ENTREP2: variants seen among roughly 807,000 people sequenced by gnomAD.
ENTREP2 encodes protein ENTREP2.
chr15:29,222,169 A>G, the ENTREP2 span, among the ~76,000 whole-genome samples: 940 of 152,316 alleles, frequency 6.2e-3, 7 homozygotes, highest in African/African-American at 0.021. Flanking sequence ...GTTTGCAGTA[A>G]AGAAGCTGGC....
chr15:29,225,219 C>A, the ENTREP2 span, among the ~76,000 whole-genome samples: 2 of 152,248 alleles, frequency 1.3e-5, no homozygotes, highest in Non-Finnish European at 2.9e-5. Context: ...GGCTGAAGGG[C>A]TCCTCAAGCA....
chr15:29,182,996 G>A, the ENTREP2 span, among the ~76,000 whole-genome samples: 1 of 152,174 alleles, frequency 6.6e-6, no homozygotes, highest in African/African-American at 2.4e-5. Flanking sequence ...AGCTCAGTGT[G>A]AGAGGCAAAG....
chr15:29,372,029 A>AACT, the ENTREP2 span, among the ~76,000 whole-genome samples: 1 of 152,216 alleles, frequency 6.6e-6, no homozygotes, highest in Non-Finnish European at 1.5e-5. Flanking sequence ...GAATAACTAG[A>AACT]ACTAGTTTAA....
chr15:29,281,980 C>G, the ENTREP2 span, among the ~76,000 whole-genome samples: 1 of 152,144 alleles, frequency 6.6e-6, no homozygotes, highest in Non-Finnish European at 1.5e-5. Flanking sequence ...TTCAATGTTA[C>G]CTGGGACCTG....
At chr15:29,256,282 T>C in the ENTREP2 span, among the ~76,000 whole-genome samples, 1 of 152,120 alleles carries the variant, frequency 6.6e-6, no homozygotes. Flanking sequence ...TTCAGCACCA[T>C]GCAACACACC....
the ENTREP2 span, among the ~76,000 whole-genome samples, chr15:29,431,935 C>T: frequency 6.6e-6 from 1 of 152,068 alleles, no homozygotes; most frequent in African/African-American, 2.4e-5. Context: ...ATGGAAACGC[C>T]GTGGCATTTG....
the ENTREP2 span, among the ~76,000 whole-genome samples, chr15:29,617,495 C>T: frequency 2.0e-5 from 3 of 152,220 alleles, no homozygotes; most frequent in Non-Finnish European, 2.9e-5. Flanking sequence ...TACAGGCCAT[C>T]TGGGCATCCC....
the ENTREP2 span, among the ~76,000 whole-genome samples, chr15:29,556,767 C>CTG: frequency 5.4e-5 from 6 of 110,922 alleles, no homozygotes; most frequent in Admixed American, 4.8e-4. Context: ...CAGGTGCCCC[C>CTG]CCCCCGCCCC....
At chr15:29,540,853 A>G in the ENTREP2 span, among the ~76,000 whole-genome samples, 1 of 152,264 alleles carries the variant, frequency 6.6e-6, no homozygotes, top group Non-Finnish European at 1.5e-5. Flanking sequence ...AAACAAAAGC[A>G]TCAAAAAGCT....
At chr15:29,445,480 T>C in the ENTREP2 span, among the ~76,000 whole-genome samples, 1 of 152,078 alleles carries the variant, frequency 6.6e-6, no homozygotes, top group African/African-American at 2.4e-5. Flanking sequence ...ACCAATGATG[T>C]AATCAATCAA....
At chr15:29,613,431 C>T in the ENTREP2 span, 1 of 467,744 alleles carries the variant, frequency 2.1e-6, no homozygotes, top group Non-Finnish European at 4.3e-6. Context: ...CCAGCTGACC[C>T]ACTCACTGGG....
chr15:29,223,990 T>G, the ENTREP2 span, among the ~76,000 whole-genome samples: 1 of 152,186 alleles, frequency 6.6e-6, no homozygotes, highest in Non-Finnish European at 1.5e-5. Context: ...CTCAGAAGTG[T>G]GTCCAGAATT....
the ENTREP2 span, among the ~76,000 whole-genome samples, chr15:29,666,810 A>T: frequency 4.6e-5 from 7 of 152,296 alleles, no homozygotes; most frequent in South Asian, 1.0e-3. Flanking sequence ...AACAATAGAA[A>T]TGTAGTCTCT....
At chr15:29,461,521 G>A in the ENTREP2 span, among the ~76,000 whole-genome samples, 16 of 151,534 alleles carry the variant, frequency 1.1e-4, no homozygotes, top group East Asian at 2.5e-3. Context: ...TTGCTCTGTC[G>A]CCCAGGCTAG....
At chr15:29,447,761 T>G in the ENTREP2 span, among the ~76,000 whole-genome samples, 1 of 151,978 alleles carries the variant, frequency 6.6e-6, no homozygotes, top group East Asian at 1.9e-4. Context: ...ATTTTTAAAT[T>G]TACTTTAAAA....
chr15:29,648,672 T>C, the ENTREP2 span, among the ~76,000 whole-genome samples: 1 of 152,190 alleles, frequency 6.6e-6, no homozygotes, highest in Non-Finnish European at 1.5e-5. Context: ...GCACAGTGGC[T>C]CATGCCTGTA....
the ENTREP2 span, among the ~76,000 whole-genome samples, chr15:29,162,901 T>C: frequency 6.6e-6 from 1 of 151,996 alleles, no homozygotes. Flanking sequence ...CCTCACGAAG[T>C]CCACTGCACA....
the ENTREP2 span, among the ~76,000 whole-genome samples, chr15:29,242,406 TA>T: frequency 6.6e-6 from 1 of 152,218 alleles, no homozygotes; most frequent in East Asian, 1.9e-4. Flanking sequence ...GTATATTTTT[TA>T]AAAATCCATT....
At chr15:29,435,278 G>A in the ENTREP2 span, among the ~76,000 whole-genome samples, 382 of 152,196 alleles carry the variant, frequency 2.5e-3, 3 homozygotes, top group Non-Finnish European at 4.7e-3. Context: ...CACTGGCTCC[G>A]GGGTGGGAGC....
Sources: gnomAD v4.1 joint callset for allele counts (sites outside exome capture counted in the v4.1 genomes callset) on GRCh38, gnomAD v4.1.1 for gene constraint, MANE v1.5 for transcripts, NCBI Gene and HGNC (gene_info 2026-07-23, HGNC 2026-07-21) for gene names.